DCC: variants seen among roughly 807,000 people sequenced by gnomAD.
DCC encodes the protein netrin receptor DCC.
In DCC, 58 loss-of-function variants were observed where a neutral mutation model predicts 172.5. That is an observed-to-expected ratio of 0.34 (90% CI 0.27 to 0.42). The LOEUF is 0.42. DCC is among the 10% of genes least tolerant of loss of function. The pLI, the probability that DCC is intolerant of heterozygous loss-of-function variation, is 1.00. For missense variants in DCC, 1,740 were observed against 1,791.0 expected (o/e 0.97, Z 0.51); for synonymous variants, 709 against 644.5 (o/e 1.10, Z -1.52).
intron 5 of DCC, among the ~76,000 whole-genome samples, chr18:52,995,110 G>T (rs1214427435): frequency 6.6e-6 from 1 of 152,062 alleles, no homozygotes; most frequent in East Asian, 1.9e-4. Context: ...GTGTTAAAGT[G>T]GTGCCTAAAT....
At chr18:53,186,836 G>T (rs12969315) in intron 9 of DCC, among the ~76,000 whole-genome samples, 10,124 of 152,158 alleles carry the variant, frequency 0.067, 491 homozygotes, top group African/African-American at 0.13. Context: ...GTCTAGTGAG[G>T]GCTGGTCTCT....
At chr18:52,732,662 A>C (rs191907941) in intron 1 of DCC, among the ~76,000 whole-genome samples, 1 of 152,166 alleles carries the variant, frequency 6.6e-6, no homozygotes. Flanking sequence ...TAGAGAAATA[A>C]ATCTGTCAGA....
At chr18:52,761,484 G>A (rs1217767067) in intron 2 of DCC, among the ~76,000 whole-genome samples, 3 of 152,054 alleles carry the variant, frequency 2.0e-5, no homozygotes, top group Non-Finnish European at 4.4e-5. Flanking sequence ...TTTTGACCTA[G>A]CAAATCAGTT....
chr18:53,183,227 C>T (rs2055224172), intron 9 of DCC, among the ~76,000 whole-genome samples: 1 of 152,082 alleles, frequency 6.6e-6, no homozygotes, highest in Non-Finnish European at 1.5e-5. Flanking sequence ...AAAGTGCATA[C>T]ATTTTGTAGT....
rs142680618 is a variant in DCC, at chr18:52,402,431, T to C, written c.91+61553T>C. 7.3e-3 allele frequency among the ~76,000 whole-genome samples: 1,104 copies of C among 152,126 alleles called. 15 individuals carry two copies. Among genetic ancestry groups the C allele is most frequent in the African/African-American group, 0.024 (1,003 of 41,516 alleles). ...CAGTTCATTTTACTCATTGTGTTTG[T>C]TCTCTTCATCTTCCTTTCTATTTTC... On this transcript the variant is annotated intron_variant, in intron 1 of 28. Coordinates refer to ENST00000442544, the MANE Select transcript of DCC (RefSeq NM_005215.4).
intron 2 of DCC, among the ~76,000 whole-genome samples, chr18:52,831,616 C>A (rs753274550): frequency 6.6e-6 from 1 of 151,622 alleles, no homozygotes; most frequent in Non-Finnish European, 1.5e-5. Flanking sequence ...ACTATTATGA[C>A]AAGATTTTGG....
chr18:53,260,496 C>A (rs1007084127), intron 12 of DCC, among the ~76,000 whole-genome samples: 1 of 152,110 alleles, frequency 6.6e-6, no homozygotes, highest in Non-Finnish European at 1.5e-5. Flanking sequence ...TGGGTATCAG[C>A]AGGAGAGGCT....
chr18:53,428,836 AT>A (rs1911333851), intron 21 of DCC, among the ~76,000 whole-genome samples: 1 of 29,914 alleles, frequency 3.3e-5, no homozygotes, highest in East Asian at 1.3e-3. Context: ...TATATTATAT[AT>A]TTTATATATA....
At chr18:53,024,248 CAT>C (rs2143933668) in intron 5 of DCC, among the ~76,000 whole-genome samples, 1 of 152,174 alleles carries the variant, frequency 6.6e-6, no homozygotes, top group Non-Finnish European at 1.5e-5. Context: ...ATATAAAACA[CAT>C]ATAAAAGACA....
intron 1 of DCC, among the ~76,000 whole-genome samples, chr18:52,702,788 G>A (rs559491816): frequency 6.6e-5 from 10 of 151,978 alleles, no homozygotes; most frequent in Admixed American, 4.6e-4. Context: ...TCTATATCTG[G>A]CCTTCCAGAG....
intron 12 of DCC, among the ~76,000 whole-genome samples, chr18:53,271,695 T>A (rs1280448687): frequency 6.6e-6 from 1 of 152,134 alleles, no homozygotes; most frequent in Non-Finnish European, 1.5e-5. Flanking sequence ...GACCTTTTTG[T>A]AACCACCACT....
At chr18:52,879,412 C>CTTTTTTTGTTTTTTTTTTTT (rs2039448628) in intron 2 of DCC, among the ~76,000 whole-genome samples, 2 of 62,356 alleles carry the variant, frequency 3.2e-5, no homozygotes, top group African/African-American at 6.9e-5. Context: ...TGTTGTTTGG[C>CTTTTTTTGTTTTTTTTTTTT]TTTTTTTTTT....
In DCC at chr18:53,138,684, A is replaced by T. The variant is rs546786503; in HGVS notation, c.1262-18672A>T. 2.0e-5 allele frequency among the ~76,000 whole-genome samples: 3 copies of T among 152,304 alleles called. No individual in the cohort carries two copies. In the South Asian group the frequency reaches 6.2e-4, roughly 32 times the overall value. On this transcript the variant is annotated intron_variant, in intron 7 of 28. Transcript: ENST00000442544. ...TCATGGCTCTCTGCCTTGTAGACTG[A>T]AGAGAATTTACAATTTTGTCGTTGA...
chr18:52,418,352 A>G (rs964987019), intron 1 of DCC, among the ~76,000 whole-genome samples: 14 of 152,198 alleles, frequency 9.2e-5, no homozygotes, highest in African/African-American at 3.1e-4. Flanking sequence ...ACTAATAAAC[A>G]TGAAAATGGC....
At chr18:53,394,612 G>T (rs1908796788) in intron 17 of DCC, among the ~76,000 whole-genome samples, 1 of 151,934 alleles carries the variant, frequency 6.6e-6, no homozygotes, top group African/African-American at 2.4e-5. Flanking sequence ...TGTTACAGAG[G>T]ATATGAAGTT....
At chr18:52,701,024 G>T (rs1248872625) in intron 1 of DCC, among the ~76,000 whole-genome samples, 1 of 152,158 alleles carries the variant, frequency 6.6e-6, no homozygotes, top group South Asian at 2.1e-4. Flanking sequence ...GATTATATCT[G>T]TGATAGCCTC....
chr18:52,789,358 G>A lies in DCC; in HGVS notation c.412+36984G>A, dbSNP rs9966800. Among the ~76,000 whole-genome samples the A allele has an allele frequency of 3.3e-3, 506 of 152,116 alleles. 8 individuals carry two copies. The highest frequency in any genetic ancestry group is 0.011 in the African/African-American group (475 of 41,496). On this transcript the variant is annotated intron_variant, in intron 2 of 28. Transcript: ENST00000442544. The stretch of plus-strand genomic sequence containing the variant: ...AGGGCCTCTCATGTGTACATTAAGA[G>A]TGGCAAGACAAAAAATGGAGAAAAA...
At chr18:52,534,373 C>A (rs911379451) in intron 1 of DCC, among the ~76,000 whole-genome samples, 1 of 151,988 alleles carries the variant, frequency 6.6e-6, no homozygotes, top group Non-Finnish European at 1.5e-5. Context: ...GTTTTGAGAA[C>A]AAAATTTTAA....
intron 3 of DCC, among the ~76,000 whole-genome samples, chr18:52,922,386 A>C (rs1443205912): frequency 6.6e-6 from 1 of 152,108 alleles, no homozygotes; most frequent in African/African-American, 2.4e-5. Context: ...AGATAATGTC[A>C]AATATGTCCT....
Sources: gnomAD v4.1 joint callset for allele counts (sites outside exome capture counted in the v4.1 genomes callset) on GRCh38, gnomAD v4.1.1 for gene constraint, MANE v1.5 for transcripts, NCBI Gene and HGNC (gene_info 2026-07-23, HGNC 2026-07-21) for gene names.